UGT3A1: variants seen among roughly 807,000 people sequenced by gnomAD.
UGT3A1 encodes UDP-glycosyltransferase 3A1.
A neutral mutation model predicts 37.6 loss-of-function variants in UGT3A1; 40 were observed. The ratio of observed to expected loss-of-function variants is 1.06; its 90% CI spans 0.83 to 1.38. UGT3A1 has a LOEUF of 1.38. UGT3A1 is among the 40% of genes most tolerant of loss of function. The pLI, the probability that UGT3A1 is intolerant of heterozygous loss-of-function variation, is 0.00. For synonymous variants in UGT3A1, 256 were observed against 232.3 expected (o/e 1.10, Z -0.93); for missense variants, 642 against 634.2 (o/e 1.01, Z -0.13).
chr5:35,955,669 A>G lies in UGT3A1; in HGVS notation c.1271T>C (p.Met424Thr), dbSNP rs768047152. The G allele has an allele frequency of 8.1e-6, 13 of 1,614,052 alleles. No individual in the cohort carries two copies. In the South Asian group the frequency reaches 1.4e-4, roughly 18 times the overall value. The change falls in exon 6 of 7, where the codon ATG becomes ACG. Residue 424 changes from methionine (M) to threonine (T), a missense_variant. Met to Thr is a moderately conservative substitution (Grantham distance 81). Coordinates refer to ENST00000274278, the MANE Select transcript of UGT3A1 (RefSeq NM_152404.4). ...QVTADTLTLT[M>T]KQVIEDKRYK... Reference sequence around the variant, plus strand: ...CCTCTTGTCTTCTATGACTTGTTTCATTGTAAGTGTCAGTGTGTCGGCTGT... The same window carrying G: ...CCTCTTGTCTTCTATGACTTGTTTCGTTGTAAGTGTCAGTGTGTCGGCTGT...
At chr5:35,985,718 T>TA (rs1201549950) in intron 2 of UGT3A1, among the ~76,000 whole-genome samples, 11 of 152,308 alleles carry the variant, frequency 7.2e-5, no homozygotes, top group Non-Finnish European at 2.9e-5. Flanking sequence ...AGAGTGGATT[T>TA]AAAACTTAAT....
rs199844466 is a variant in UGT3A1, at chr5:35,955,668, C to T, written c.1272G>A (p.Met424Ile). The T allele has an allele frequency of 2.4e-4, 385 of 1,614,204 alleles. No homozygotes were observed. Among genetic ancestry groups the T allele is most frequent in the Admixed American group, 8.3e-4 (50 of 60,012 alleles). Residue 424 changes from methionine to isoleucine, a missense_variant, in exon 6 of 7, where the codon ATG (methionine) becomes ATA (isoleucine). By Grantham distance (10) the Met-to-Ile change is conservative. Coordinates refer to ENST00000274278, the MANE Select transcript of UGT3A1 (RefSeq NM_152404.4). ...QVTADTLTLT[M>I]KQVIEDKRYK... ...ACCTCTTGTCTTCTATGACTTGTTT[C>T]ATTGTAAGTGTCAGTGTGTCGGCTG... is the stretch of plus-strand genomic sequence containing the variant.
chr5:35,965,419 G>T lies in UGT3A1; in HGVS notation c.810C>A (p.Gly270=). 1.9e-6 allele frequency: 3 copies of T among 1,613,984 alleles called. No individual in the cohort carries two copies. Among genetic ancestry groups the T allele is most frequent in the Non-Finnish European group, 2.5e-6 (3 of 1,179,976 alleles). ...PLLPNTVYIG[G]LMEKPIKPVP... Reference sequence around the variant, plus strand: ...CTGGTTTAATAGGTTTTTCCATCAAGCCTCCAATATAAACAGTGTTGGGAA... The same window carrying T: ...CTGGTTTAATAGGTTTTTCCATCAATCCTCCAATATAAACAGTGTTGGGAA... Residue 270 remains glycine, a synonymous_variant, in exon 4 of 7, where the codon GGC becomes GGA. Transcript: ENST00000274278.
At chr5:35,957,490 A>T in intron 4 of UGT3A1, 71 bp from the exon 5 acceptor site, 7 of 1,291,576 alleles carry the variant, frequency 5.4e-6, no homozygotes, top group Non-Finnish European at 7.6e-6. Flanking sequence ...AATGAAACCC[A>T]GTCTATTTAC....
At chr5:35,990,139 G>C (rs1054862355) in intron 1 of UGT3A1, among the ~76,000 whole-genome samples, 1 of 151,854 alleles carries the variant, frequency 6.6e-6, no homozygotes, top group Non-Finnish European at 1.5e-5. Flanking sequence ...AACGGCATCA[G>C]AGCGGAAGTT....
At chr5:35,983,277 T>C (rs1249632550) in intron 2 of UGT3A1, among the ~76,000 whole-genome samples, 1 of 151,768 alleles carries the variant, frequency 6.6e-6, no homozygotes, top group Non-Finnish European at 1.5e-5. Flanking sequence ...CAAACAACAA[T>C]ATGCCAACAA....
chr5:35,953,691 C>G lies in UGT3A1; in HGVS notation c.*511G>C, dbSNP rs1739245568. 1 of 155,976 alleles carries G rather than the reference C, an allele frequency of 6.4e-6. No individual in the cohort carries two copies. The highest frequency in any genetic ancestry group is 2.4e-5 in the African/African-American group (1 of 41,474). 9.7% of individuals were successfully genotyped at this position (155,976 alleles called of 1,614,324 possible). ...GAGGTGCTCTCTAAGGAAGGGGTCTCAGGCAGTGAGCAAAGGTCTTGGCAG... is the reference window on the plus strand; with the variant it reads ...GAGGTGCTCTCTAAGGAAGGGGTCTGAGGCAGTGAGCAAAGGTCTTGGCAG... On this transcript the variant is annotated 3_prime_UTR_variant, in exon 7 of 7. Transcript: ENST00000274278.
chr5:35,957,093 T>C (rs1739383020), intron 5 of UGT3A1, 95 bp downstream of exon 5: 1 of 990,394 alleles, frequency 1.0e-6, no homozygotes, highest in South Asian at 1.5e-5. Flanking sequence ...AGCTACTACG[T>C]AGGCTGATAC....
At chr5:35,968,536 T>C (rs1739906899) in intron 2 of UGT3A1, among the ~76,000 whole-genome samples, 1 of 152,192 alleles carries the variant, frequency 6.6e-6, no homozygotes, top group Admixed American at 6.5e-5. Context: ...CTTTTCTCTT[T>C]TAGAAAAAAT....
chr5:35,994,481 C>T (rs918675428), upstream of UGT3A1, among the ~76,000 whole-genome samples: 6 of 151,984 alleles, frequency 3.9e-5, no homozygotes, highest in African/African-American at 1.5e-4. Flanking sequence ...TCCTCTCAGC[C>T]TTTTGTGGCA....
chr5:35,953,720 T>G lies in UGT3A1; in HGVS notation c.*482A>C, dbSNP rs150604213. ...CAGTGAGCAAAGGTCTTGGCAGGGG[T>G]TCTCCTTCCCTAAATGCAGGAGAGC... On this transcript the variant is annotated 3_prime_UTR_variant, in exon 7 of 7. Transcript: ENST00000274278. 22 of 156,002 alleles carry G rather than the reference T, an allele frequency of 1.4e-4. No homozygotes were observed. Among genetic ancestry groups the G allele is most frequent in the African/African-American group, 4.8e-4 (20 of 41,478 alleles). 9.7% of individuals were successfully genotyped at this position (156,002 alleles called of 1,614,324 possible). A position where few individuals can be genotyped will look rare whatever the true frequency, so the allele number is the denominator to read the frequency against.
At position 35,966,306 on chromosome 5, in the gene UGT3A1, G is replaced by T. The variant is rs145697081; in HGVS notation, c.312-389C>A. On this transcript the variant is annotated intron_variant, in intron 3 of 6. Transcript: ENST00000274278. ...TTTGTGAGTGACTGTCTTTTCTCCAGAAATCTATGTAAGTAATTTGACAGG... is the reference window on the plus strand; with the variant it reads ...TTTGTGAGTGACTGTCTTTTCTCCATAAATCTATGTAAGTAATTTGACAGG... Among the ~76,000 whole-genome samples, 418 of 152,286 alleles carry T rather than the reference G, an allele frequency of 2.7e-3. 11 individuals are homozygous for T. Among genetic ancestry groups the T allele is most frequent in the Admixed American group, 0.02 (309 of 15,284 alleles).
At chr5:35,992,637 A>T (rs908755385), upstream of UGT3A1, among the ~76,000 whole-genome samples, 3 of 152,230 alleles carry the variant, frequency 2.0e-5, no homozygotes, top group African/African-American at 7.2e-5. Context: ...ATTCATGAGA[A>T]ATGCTGCCAA....
At chr5:35,964,161 AT>A (rs1739703373) in intron 4 of UGT3A1, among the ~76,000 whole-genome samples, 1 of 152,152 alleles carries the variant, frequency 6.6e-6, no homozygotes, top group East Asian at 1.9e-4. Context: ...AAGAGAAAAA[AT>A]ATTTGAAAAC....
intron 4 of UGT3A1, chr5:35,960,788 G>C (rs1251352800): frequency 6.6e-6 from 1 of 152,136 alleles, no homozygotes; most frequent in Non-Finnish European, 1.5e-5. Context: ...TTGAGTGGTG[G>C]GGATGGGATG....
At chr5:35,966,711 G>C (rs1011042519) in intron 3 of UGT3A1, among the ~76,000 whole-genome samples, 1 of 152,136 alleles carries the variant, frequency 6.6e-6, no homozygotes, top group Non-Finnish European at 1.5e-5. Context: ...CTGAGCAGTG[G>C]TAATAGGTAC....
At chr5:35,983,345 G>A (rs115086472) in intron 2 of UGT3A1, among the ~76,000 whole-genome samples, 2 of 152,060 alleles carry the variant, frequency 1.3e-5, no homozygotes, top group Non-Finnish European at 2.9e-5. Context: ...TACCATGACT[G>A]AGCAATCAAG....
chr5:35,970,132 T>G (rs1050802779), intron 2 of UGT3A1, among the ~76,000 whole-genome samples: 2 of 152,136 alleles, frequency 1.3e-5, no homozygotes, highest in Non-Finnish European at 2.9e-5. Flanking sequence ...GGCTCACTCC[T>G]GTAATCCCAG....
At chr5:35,977,061 AAG>A (rs1410807959) in intron 2 of UGT3A1, among the ~76,000 whole-genome samples, 1 of 148,202 alleles carries the variant, frequency 6.7e-6, no homozygotes, top group East Asian at 2.0e-4. Context: ...AGAGAAGAGA[AAG>A]AGAAAGAAAG....
Sources: gnomAD v4.1 joint callset for allele counts (sites outside exome capture counted in the v4.1 genomes callset) on GRCh38, gnomAD v4.1.1 for gene constraint, MANE v1.5 for transcripts, NCBI Gene and HGNC (gene_info 2026-07-23, HGNC 2026-07-21) for gene names.